The following TENM3 variants were observed in gnomAD, a reference collection of about 807,000 sequenced individuals.
TENM3 encodes teneurin transmembrane protein 3.
TENM3 carries 63 observed loss-of-function variants against 255.1 expected under a neutral mutation model. The observed-to-expected ratio is 0.25, with a 90% CI of 0.20 to 0.30. TENM3 has a LOEUF of 0.30. TENM3 is among the 10% of genes least tolerant of loss of function. TENM3 has a pLI of 1.00. For missense variants in TENM3, 2,929 were observed against 3,461.1 expected (o/e 0.85, Z 3.86); for synonymous variants, 1,306 against 1,322.3 (o/e 0.99, Z 0.27).
chr4:181,812,931 G>T, the TENM3 span, among the ~76,000 whole-genome samples: 17 of 152,312 alleles, frequency 1.1e-4, no homozygotes, highest in African/African-American at 3.8e-4. Flanking sequence ...GGGGGGAATA[G>T]CTGCCTCCTG....
chr4:182,136,072 T>C, the TENM3 span, among the ~76,000 whole-genome samples: 3 of 152,196 alleles, frequency 2.0e-5, no homozygotes, highest in Non-Finnish European at 4.4e-5. Context: ...GCTTTACTAC[T>C]GAGCAGACCA....
At chr4:182,692,924 C>T (rs534131489) in intron 12 of TENM3, among the ~76,000 whole-genome samples, 1 of 152,104 alleles carries the variant, frequency 6.6e-6, no homozygotes, top group African/African-American at 2.4e-5. Context: ...ATTTGAAGGA[C>T]CCCTCAAGGT....
the TENM3 span, among the ~76,000 whole-genome samples, chr4:181,737,049 G>C: frequency 6.6e-6 from 1 of 152,062 alleles, no homozygotes; most frequent in African/African-American, 2.4e-5. Context: ...CTGAAACAAG[G>C]GCTGGGGAGG....
intron 1 of TENM3, among the ~76,000 whole-genome samples, chr4:182,195,023 T>TCACACA (rs70954299): frequency 0.01 from 1,524 of 147,056 alleles, 10 homozygotes; most frequent in African/African-American, 0.012. Context: ...ACAGTCTCTA[T>TCACACA]CACACACACA....
At chr4:182,027,497 G>A in the TENM3 span, among the ~76,000 whole-genome samples, 2 of 151,396 alleles carry the variant, frequency 1.3e-5, no homozygotes, top group African/African-American at 2.4e-5. Context: ...GCTAGGATTT[G>A]CAGTACTATA....
At chr4:181,750,918 T>G in the TENM3 span, among the ~76,000 whole-genome samples, 1 of 152,118 alleles carries the variant, frequency 6.6e-6, no homozygotes, top group South Asian at 2.1e-4. Context: ...ATCAATTACT[T>G]TGTTTTAATT....
Position 182,793,477 on chromosome 4 carries a change from G to C in TENM3, c.6805G>C (p.Glu2269Gln). The C allele has an allele frequency of 6.2e-7, 1 of 1,613,932 alleles. No individual in the cohort carries two copies. The highest frequency in any genetic ancestry group is 2.2e-5 in the East Asian group (1 of 44,882). ...ITHVYNHSSS[E>Q]ITSLYYDLQG... ...TCATGTCTACAACCATTCGAGTTCA[G>C]AAATTACCTCCCTGTATTATGATCT... Residue 2269 changes from glutamate to glutamine, a missense_variant, in exon 26 of 28, where the codon GAA becomes CAA. Coordinates refer to ENST00000511685, the MANE Select transcript of TENM3 (RefSeq NM_001080477.4). This position sits in a 1 kb window ranked among gnomAD's most constrained non-coding sequence, Gnocchi z 5.7.
At chr4:182,748,633 C>A (rs1282428121) in intron 19 of TENM3, among the ~76,000 whole-genome samples, 1 of 152,056 alleles carries the variant, frequency 6.6e-6, no homozygotes, top group African/African-American at 2.4e-5. Flanking sequence ...CACTTTTTTT[C>A]CTTTTAGTAC....
the TENM3 span, among the ~76,000 whole-genome samples, chr4:181,787,588 C>T: frequency 6.6e-6 from 1 of 152,120 alleles, no homozygotes; most frequent in South Asian, 2.1e-4. Flanking sequence ...GATCTGCCCA[C>T]CTCTGCCTCC....
intron 3 of TENM3, among the ~76,000 whole-genome samples, chr4:182,595,781 T>C (rs1245645168): frequency 6.6e-6 from 1 of 152,020 alleles, no homozygotes; most frequent in Non-Finnish European, 1.5e-5. Context: ...TTTTCTAAAA[T>C]ATCTAAGAGC....
At chr4:181,496,923 G>C in the TENM3 span, among the ~76,000 whole-genome samples, 3 of 120,116 alleles carry the variant, frequency 2.5e-5, no homozygotes, top group African/African-American at 2.5e-4. Flanking sequence ...CCTATACACA[G>C]AGAAATCACT....
At chr4:182,662,288 G>A (rs1050591900) in intron 6 of TENM3, among the ~76,000 whole-genome samples, 2 of 151,950 alleles carry the variant, frequency 1.3e-5, no homozygotes, top group Non-Finnish European at 2.9e-5. Context: ...ACTTACTGAT[G>A]AAAGAAAAAA....
At chr4:181,810,375 T>C in the TENM3 span, among the ~76,000 whole-genome samples, 2 of 152,138 alleles carry the variant, frequency 1.3e-5, no homozygotes, top group South Asian at 4.2e-4. Context: ...CTGAAACATC[T>C]GGCACCCAGT....
chr4:182,315,674 T>A (rs1762714663), intron 1 of TENM3, among the ~76,000 whole-genome samples: 1 of 152,174 alleles, frequency 6.6e-6, no homozygotes, highest in Non-Finnish European at 1.5e-5. Context: ...TTTCTTCACA[T>A]TTTTTTCTGT....
chr4:181,535,440 A>G, the TENM3 span, among the ~76,000 whole-genome samples: 1 of 152,150 alleles, frequency 6.6e-6, no homozygotes, highest in African/African-American at 2.4e-5. Context: ...GGCTCTTGCA[A>G]TAGCCTTCTA....
chr4:181,801,625 G>A, the TENM3 span, among the ~76,000 whole-genome samples: 1 of 127,106 alleles, frequency 7.9e-6, no homozygotes, highest in Non-Finnish European at 1.6e-5. Context: ...TGTAAGCCTG[G>A]TTTTTACATT....
At chr4:181,676,235 G>T in the TENM3 span, among the ~76,000 whole-genome samples, 1 of 152,022 alleles carries the variant, frequency 6.6e-6, no homozygotes, top group Admixed American at 6.6e-5. Context: ...GTTGATATTG[G>T]ATTTATATAA....
the TENM3 span, among the ~76,000 whole-genome samples, chr4:181,892,600 T>C: frequency 2.0e-5 from 3 of 152,222 alleles, no homozygotes; most frequent in Admixed American, 2.0e-4. Flanking sequence ...GAGGAATTGT[T>C]TCTTGCCTCT....
intron 2 of TENM3, among the ~76,000 whole-genome samples, chr4:182,331,683 C>A (rs56157888): frequency 0.12 from 17,589 of 151,816 alleles, 1,299 homozygotes; most frequent in Non-Finnish European, 0.16. Context: ...TAGGTGAATA[C>A]AAACAAAAAG....
Sources: allele counts gnomAD v4.1 joint callset (sites outside exome capture counted in the v4.1 genomes callset), GRCh38; gene constraint gnomAD v4.1.1; non-coding constraint Gnocchi (gnomAD v3.1); transcripts MANE v1.5; gene names NCBI Gene and HGNC (gene_info 2026-07-23, HGNC 2026-07-21).